CNOT4: variants seen among roughly 807,000 people sequenced by gnomAD.
The protein encoded by CNOT4 is CCR4-associated factor 4.
CNOT4 carries 8 observed loss-of-function variants against 73.8 expected under a neutral mutation model. The ratio of observed to expected loss-of-function variants is 0.11; its 90% CI spans 0.06 to 0.20. The LOEUF (loss-of-function observed/expected upper bound fraction) is 0.20, where lower values mean the gene tolerates loss of function less well. CNOT4 is among the 10% of genes least tolerant of loss of function. The pLI, the probability that CNOT4 is intolerant of heterozygous loss-of-function variation, is 1.00. For synonymous variants in CNOT4, 293 were observed against 321.1 expected, an observed-to-expected ratio of 0.91 and a Z score of 0.94; for missense variants, 564 against 883.4, an observed-to-expected ratio of 0.64 and a Z score of 4.58.
chr7:135,395,596 G>A, intron 9 of CNOT4, 38 bp downstream of exon 9: 1 of 1,586,178 alleles, frequency 6.3e-7, no homozygotes, highest in Non-Finnish European at 8.6e-7. Context: ...AATACGTTAA[G>A]AGCATAATTA....
intron 1 of CNOT4, among the ~76,000 whole-genome samples, chr7:135,459,427 C>T (rs900075400): frequency 1.3e-5 from 2 of 152,158 alleles, no homozygotes; most frequent in Non-Finnish European, 2.9e-5. Context: ...AAATCCTAGA[C>T]CTCTTTCAAA....
intron 8 of CNOT4, among the ~76,000 whole-genome samples, chr7:135,397,112 GAGA>G (rs1796736000): frequency 6.6e-6 from 1 of 152,058 alleles, no homozygotes; most frequent in Non-Finnish European, 1.5e-5. Context: ...CTATTTTTAA[GAGA>G]AGTATATGCT....
intron 10 of CNOT4, among the ~76,000 whole-genome samples, chr7:135,389,950 C>A (rs1466923259): frequency 6.6e-6 from 1 of 152,106 alleles, no homozygotes; most frequent in Non-Finnish European, 1.5e-5. Context: ...ACCCCAAGAA[C>A]ATAGCAATGA....
intron 1 of CNOT4, among the ~76,000 whole-genome samples, chr7:135,466,950 T>C (rs778115118): frequency 6.6e-6 from 1 of 152,184 alleles, no homozygotes; most frequent in African/African-American, 2.4e-5. Flanking sequence ...AACAAAATAA[T>C]CTAATGATGC....
rs6980146 is a variant in CNOT4 at position 135,373,830 on chromosome 7, C to A, written c.1628-9764G>T. ...CTCCTGACCTCGGATGATCTGCCTG[C>A]CTTGCCTCCCAAAGCACTGGGATTA... On this transcript the variant is annotated intron_variant, in intron 10 of 11. Transcript: ENST00000541284. Among the ~76,000 whole-genome samples, 107 of 152,258 alleles carry A rather than the reference C, an allele frequency of 7.0e-4. 1 individual carries two copies. The highest frequency in any genetic ancestry group is 2.2e-3 in the African/African-American group (92 of 41,544).
In CNOT4 at chr7:135,459,959, T is replaced by C. The variant is rs141014847; in HGVS notation, c.-92-21536A>G. Among the ~76,000 whole-genome samples the C allele has an allele frequency of 1.3e-3, 201 of 152,372 alleles. 1 individual carries two copies. The highest frequency in any genetic ancestry group is 4.5e-3 in the African/African-American group (187 of 41,592). On this transcript the variant is annotated intron_variant, in intron 1 of 11. Transcript: ENST00000541284. ...CTACATCAGCACTTGGTGTTTCACCTAGCACTTTTATGTTATGGAAATGGC... is the reference window on the plus strand; with the variant it reads ...CTACATCAGCACTTGGTGTTTCACCCAGCACTTTTATGTTATGGAAATGGC...
intron 10 of CNOT4, among the ~76,000 whole-genome samples, chr7:135,382,651 T>A (rs1563015885): frequency 6.6e-6 from 1 of 151,628 alleles, no homozygotes; most frequent in Non-Finnish European, 1.5e-5. Context: ...TCAACCAACA[T>A]CGAATAGAAA....
intron 2 of CNOT4, among the ~76,000 whole-genome samples, chr7:135,423,407 C>A (rs1798300119): frequency 6.7e-6 from 1 of 150,282 alleles, no homozygotes. Flanking sequence ...GAAATAGCTA[C>A]AGGCCTGAAA....
At chr7:135,369,013 A>G (rs1187427245) in intron 10 of CNOT4, among the ~76,000 whole-genome samples, 1 of 150,776 alleles carries the variant, frequency 6.6e-6, no homozygotes, top group African/African-American at 2.4e-5. Flanking sequence ...CAACAAGCCA[A>G]TGGGTTTTTC....
intron 1 of CNOT4, among the ~76,000 whole-genome samples, chr7:135,438,634 A>G (rs1385267466): frequency 2.6e-5 from 4 of 152,236 alleles, no homozygotes; most frequent in African/African-American, 9.6e-5. Flanking sequence ...CATAAATAAA[A>G]AAGAACTTCC....
At chr7:135,414,559 G>C (rs749820440) in intron 4 of CNOT4, 127 bp from the exon 5 acceptor site, 13 of 546,160 alleles carry the variant, frequency 2.4e-5, no homozygotes, top group African/African-American at 3.8e-5. Context: ...ATAATTAGTA[G>C]TAGTAGTGGC....
intron 10 of CNOT4, chr7:135,388,686 G>T: frequency 7.2e-7 from 1 of 1,397,540 alleles, no homozygotes. Context: ...GTTTATATTG[G>T]CTCTTCTGGG....
chr7:135,445,742 A>T (rs1254856821), intron 1 of CNOT4, among the ~76,000 whole-genome samples: 2 of 152,180 alleles, frequency 1.3e-5, no homozygotes, highest in Non-Finnish European at 2.9e-5. Context: ...GTATAATAAT[A>T]AAAAAAGACT....
intron 1 of CNOT4, among the ~76,000 whole-genome samples, chr7:135,507,014 T>C (rs1462952557): frequency 6.6e-6 from 1 of 152,176 alleles, no homozygotes; most frequent in Non-Finnish European, 1.5e-5. Context: ...CTGCTTAAAC[T>C]GATAAGATAT....
At chr7:135,393,877 T>C (rs1796530707) in intron 10 of CNOT4, 41 bp downstream of exon 10, 2 of 1,440,708 alleles carry the variant, frequency 1.4e-6, no homozygotes, top group Non-Finnish European at 1.9e-6. Flanking sequence ...CCTGAAAATA[T>C]GAGTTATTCA....
intron 1 of CNOT4, among the ~76,000 whole-genome samples, chr7:135,451,176 C>CTAAG (rs2129485877): frequency 6.6e-6 from 1 of 152,224 alleles, no homozygotes; most frequent in East Asian, 1.9e-4. Context: ...ATAGGAAAGG[C>CTAAG]TAAGTTACTG....
At chr7:135,408,028 A>G (rs1797393016) in intron 7 of CNOT4, among the ~76,000 whole-genome samples, 1 of 152,256 alleles carries the variant, frequency 6.6e-6, no homozygotes, top group South Asian at 2.1e-4. Flanking sequence ...AGTTAAAATG[A>G]GACAGCTTTT....
intron 1 of CNOT4, among the ~76,000 whole-genome samples, chr7:135,462,930 T>C (rs1162304843): frequency 2.0e-5 from 3 of 152,236 alleles, no homozygotes; most frequent in African/African-American, 7.2e-5. Context: ...GTGATAACCT[T>C]CAATCTTCTG....
chr7:135,430,458 C>T (rs1037674002), intron 2 of CNOT4, among the ~76,000 whole-genome samples: 20 of 152,044 alleles, frequency 1.3e-4, no homozygotes, highest in African/African-American at 3.6e-4. Context: ...GGCAACATAG[C>T]GAGCCCAGTC....
Sources: allele counts gnomAD v4.1 joint callset (sites outside exome capture counted in the v4.1 genomes callset), GRCh38; gene constraint gnomAD v4.1.1; transcripts MANE v1.5; gene names NCBI Gene and HGNC (gene_info 2026-07-23, HGNC 2026-07-21).